The following MCF2 variants were observed in gnomAD, a reference collection of about 807,000 sequenced individuals.
The protein encoded by MCF2 is MCF.2 cell line derived transforming sequence.
Under a neutral mutation model 82.5 loss-of-function variants are expected in MCF2, and 44 were observed. The observed-to-expected ratio is 0.53, with a 90% CI of 0.42 to 0.69. The LOEUF is 0.69. Among genes scored for constraint, MCF2 ranks in the 30% least tolerant of loss-of-function variants. MCF2 has a pLI of 0.00. For synonymous variants in MCF2, 217 were observed against 224.9 expected (o/e 0.96, Z 0.32); for missense variants, 623 against 663.1 (o/e 0.94, Z 0.66).
chrX:139,707,054 G>T (rs1935604504), intron 1 of MCF2, among the ~76,000 whole-genome samples: 1 of 110,551 alleles, frequency 9.0e-6, no homozygotes, highest in Non-Finnish European at 1.9e-5. Flanking sequence ...ATTTCAGAAA[G>T]AGATGTGCAG....
At chrX:139,705,641 G>A (rs768580075) in intron 1 of MCF2, among the ~76,000 whole-genome samples, 2 of 112,072 alleles carry the variant, frequency 1.8e-5, no homozygotes, top group East Asian at 2.8e-4. Context: ...TACTCTTTTC[G>A]ACATTGGCCT....
chrX:139,657,782 T>C (rs964706629), intron 1 of MCF2, among the ~76,000 whole-genome samples: 1 of 111,714 alleles, frequency 9.0e-6, no homozygotes, highest in African/African-American at 3.3e-5. Context: ...TGTTCATTGG[T>C]TGGTTTTTAC....
chrX:139,622,666 G>A lies in MCF2; in HGVS notation c.688-2960C>T, dbSNP rs1161752687. ...AAACACCGCATGTTCTCACTCATAGGTGGGAATTGAACAATGAGAACACAT... is the reference window on the plus strand; with the variant it reads ...AAACACCGCATGTTCTCACTCATAGATGGGAATTGAACAATGAGAACACAT... On this transcript the variant is annotated intron_variant, in intron 6 of 24. Transcript: ENST00000370576. 6.4e-5 allele frequency among the ~76,000 whole-genome samples: 7 copies of A among 108,736 alleles called. No individual in the cohort carries two copies. In the East Asian group the frequency reaches 2.0e-3, roughly 32 times the overall value. The allele number at this position is 108,736 out of a possible 115,157, so 94.4% of individuals were successfully genotyped here.
intron 13 of MCF2, among the ~76,000 whole-genome samples, chrX:139,605,308 G>T (rs755879685): frequency 1.8e-5 from 2 of 110,570 alleles, no homozygotes; most frequent in Non-Finnish European, 3.8e-5. Context: ...TAGACTACAG[G>T]TCATCAGCTT....
intron 1 of MCF2, among the ~76,000 whole-genome samples, chrX:139,673,439 T>C (rs2148555635): frequency 8.9e-6 from 1 of 112,315 alleles, no homozygotes; most frequent in Admixed American, 9.4e-5. Flanking sequence ...TCCTGCTTTC[T>C]CTTGTGGGCA....
upstream of MCF2, among the ~76,000 whole-genome samples, chrX:139,647,192 C>T (rs1003012482): frequency 9.0e-6 from 1 of 111,656 alleles, no homozygotes; most frequent in African/African-American, 3.3e-5. Flanking sequence ...TAGCTGATTC[C>T]CCAATCTGGA....
At chrX:139,647,903 A>G (rs1933857216), upstream of MCF2, among the ~76,000 whole-genome samples, 1 of 112,319 alleles carries the variant, frequency 8.9e-6, no homozygotes, top group South Asian at 3.7e-4. Flanking sequence ...ATAAATACTA[A>G]GTGCCAAATA....
At chrX:139,689,064 G>A (rs1030650152) in intron 1 of MCF2, among the ~76,000 whole-genome samples, 1 of 110,757 alleles carries the variant, frequency 9.0e-6, no homozygotes, top group East Asian at 2.8e-4. Flanking sequence ...CCTGTCCCTC[G>A]AACACCACGA....
At chrX:139,587,349 G>T (rs1381579842) in intron 22 of MCF2, among the ~76,000 whole-genome samples, 2 of 110,466 alleles carry the variant, frequency 1.8e-5, no homozygotes, top group Non-Finnish European at 3.8e-5. Context: ...TCCTTCATTT[G>T]CTCTATTCCC....
In MCF2 at chrX:139,642,709, G is replaced by T. The variant is rs1253163776; in HGVS notation, c.-191C>A. 8 of 1,078,177 alleles carry T rather than the reference G, an allele frequency of 7.4e-6. No homozygotes were observed. In the African/African-American group the frequency reaches 1.3e-4, roughly 18 times the overall value. 88.9% of individuals were successfully genotyped at this position (1,078,177 alleles called of 1,213,427 possible). A position where few individuals can be genotyped will look rare whatever the true frequency, so the allele number is the denominator to read the frequency against. On this transcript the variant is annotated 5_prime_UTR_variant, in exon 1 of 25. Coordinates refer to ENST00000370576, the Ensembl canonical transcript of MCF2. ...AAAAAAAAAAAAAACCACTATCCCT[G>T]ATTAGTCAGCTGACAGATCCTTCCC... is the stretch of plus-strand genomic sequence containing the variant.
intron 1 of MCF2, among the ~76,000 whole-genome samples, chrX:139,666,499 A>AT (rs201470212): frequency 8.1e-5 from 9 of 110,736 alleles, no homozygotes; most frequent in Non-Finnish European, 1.7e-4. Flanking sequence ...CTTGGCTGGT[A>AT]TTTTTTTTCT....
chrX:139,642,451 G>A, intron 1 of MCF2: 1 of 1,211,348 alleles, frequency 8.3e-7, no homozygotes, highest in South Asian at 1.8e-5. Flanking sequence ...TTCCAGGAGT[G>A]CAGACAGAGC....
chrX:139,674,210 T>A (rs1372899223), intron 1 of MCF2, among the ~76,000 whole-genome samples: 1 of 111,810 alleles, frequency 8.9e-6, no homozygotes, highest in Non-Finnish European at 1.9e-5. Flanking sequence ...TGAGCCTATG[T>A]GTGTCTCTGC....
chrX:139,648,556 T>TGG (rs1933886152), intron 2 of MCF2, among the ~76,000 whole-genome samples: 2 of 111,619 alleles, frequency 1.8e-5, no homozygotes, highest in African/African-American at 6.5e-5. Context: ...TTTAAATCCA[T>TGG]CCATATGAAT....
chrX:139,642,125 C>T (rs1289093638), intron 1 of MCF2, among the ~76,000 whole-genome samples: 2 of 111,434 alleles, frequency 1.8e-5, no homozygotes, highest in African/African-American at 6.5e-5. Context: ...AGGATGAATC[C>T]TTTTGTTAGA....
chrX:139,655,147 G>A (rs1012255813), intron 1 of MCF2, among the ~76,000 whole-genome samples: 11 of 111,748 alleles, frequency 9.8e-5, no homozygotes, highest in Admixed American at 2.8e-4. Context: ...TTCTGTATAC[G>A]TTATTAGAAT....
exon 10 of MCF2, chrX:139,615,034 G>T (rs1469512231): frequency 8.3e-7 from 1 of 1,204,327 alleles, no homozygotes; most frequent in South Asian, 1.8e-5. Flanking sequence ...AGCTTGAGTT[G>T]TATAGTCTTC....
intron 1 of MCF2, among the ~76,000 whole-genome samples, chrX:139,687,178 C>T (rs1935146560): frequency 9.0e-6 from 1 of 111,616 alleles, no homozygotes; most frequent in Non-Finnish European, 1.9e-5. Flanking sequence ...TGACTGCCCC[C>T]TCTTCCTGAA....
At chrX:139,588,031 C>T (rs1355369832) in intron 21 of MCF2, among the ~76,000 whole-genome samples, 2 of 111,249 alleles carry the variant, frequency 1.8e-5, no homozygotes, top group Non-Finnish European at 3.8e-5. Flanking sequence ...AACTGGCTCC[C>T]ATTCCATCAT....
Sources: gnomAD v4.1 joint callset for allele counts (sites outside exome capture counted in the v4.1 genomes callset) on GRCh38, gnomAD v4.1.1 for gene constraint, MANE v1.5 for transcripts, NCBI Gene and HGNC (gene_info 2026-07-23, HGNC 2026-07-21) for gene names.